Variants in BCOR observed in about 807,000 individuals in gnomAD.
BCOR encodes the protein BCL-6 corepressor.
Under a neutral mutation model 86.7 loss-of-function variants are expected in BCOR, and 10 were observed. The observed-to-expected ratio is 0.12, with a 90% confidence interval of 0.07 to 0.20. The LOEUF is 0.20. BCOR is among the 10% of genes least tolerant of loss of function. The pLI, the probability that BCOR is intolerant of heterozygous loss-of-function variation, is 1.00. For missense variants in BCOR, 1,259 were observed against 1,452.1 expected (o/e 0.87, Z 2.16); for synonymous variants, 611 against 609.0 (o/e 1.00, Z -0.05).
At chrX:40,080,971 A>G (rs1389697414) in intron 1 of BCOR, among the ~76,000 whole-genome samples, 1 of 43,012 alleles carries the variant, frequency 2.3e-5, no homozygotes, top group Non-Finnish European at 4.2e-5. Context: ...ACGCACGCAC[A>G]CGCGCACACA....
At chrX:40,145,295 C>G (rs990929458) in intron 1 of BCOR, among the ~76,000 whole-genome samples, 1 of 111,552 alleles carries the variant, frequency 9.0e-6, no homozygotes, top group East Asian at 2.9e-4. Flanking sequence ...ACCCGCGGCG[C>G]CCGGCCCGCC....
upstream of BCOR, among the ~76,000 whole-genome samples, chrX:40,101,453 C>T (rs765152534): frequency 8.8e-6 from 1 of 113,262 alleles, no homozygotes; most frequent in African/African-American, 3.2e-5. Flanking sequence ...AGAGGTGCTG[C>T]GGATGGAGCA....
At chrX:40,138,785 C>G (rs1387498846) in intron 1 of BCOR, among the ~76,000 whole-genome samples, 1 of 110,950 alleles carries the variant, frequency 9.0e-6, no homozygotes, top group African/African-American at 3.3e-5. Flanking sequence ...GAACTCCTTA[C>G]CTCAGGTGAT....
At chrX:40,171,385 G>A (rs1938615953) in intron 1 of BCOR, among the ~76,000 whole-genome samples, 1 of 112,157 alleles carries the variant, frequency 8.9e-6, no homozygotes, top group Non-Finnish European at 1.9e-5. Context: ...CAGACCCTCT[G>A]GCCGCGCCGG....
At chrX:40,087,328 T>C (rs1325769880) in intron 1 of BCOR, among the ~76,000 whole-genome samples, 3 of 113,400 alleles carry the variant, frequency 2.6e-5, no homozygotes, top group African/African-American at 9.6e-5. Flanking sequence ...ATCGTCATTA[T>C]TAGTGCAAAT....
chrX:40,133,491 G>T (rs1937625455), intron 1 of BCOR, among the ~76,000 whole-genome samples: 2 of 99,260 alleles, frequency 2.0e-5, no homozygotes, highest in Admixed American at 2.4e-4. Flanking sequence ...ACGGAGTCTC[G>T]CTCTGTCGCC....
intron 1 of BCOR, among the ~76,000 whole-genome samples, chrX:40,125,323 T>A (rs1937526166): frequency 9.0e-6 from 1 of 111,642 alleles, no homozygotes; most frequent in Non-Finnish European, 1.9e-5. Flanking sequence ...AACCTTTGTC[T>A]CCTGGATTCA....
At chrX:40,064,672 C>T (rs770281414) in intron 6 of BCOR, 73 bp from the exon 7 acceptor site, 20 of 1,113,548 alleles carry the variant, frequency 1.8e-5, no homozygotes, top group South Asian at 9.6e-5. Flanking sequence ...CTGGGGAGTG[C>T]GTGGGACCAC....
At chrX:40,104,016 A>G (rs915562816) in intron 1 of BCOR, among the ~76,000 whole-genome samples, 1 of 111,725 alleles carries the variant, frequency 9.0e-6, no homozygotes, top group African/African-American at 3.3e-5. Flanking sequence ...CCCACCCCCC[A>G]TTGGCGGGGC....
intron 1 of BCOR, among the ~76,000 whole-genome samples, chrX:40,175,344 C>A (rs1474921397): frequency 8.8e-6 from 1 of 113,357 alleles, no homozygotes; most frequent in Non-Finnish European, 1.9e-5. Flanking sequence ...CGGCCCGGGC[C>A]CGGCGGCCGC....
In BCOR at chrX:40,051,908, C is replaced by A; in HGVS notation, c.*201G>T. ...ATTGAAAAGTAAAGAAACATTATAA[C>A]AACTTCATAAAAACTGACTTAAAAG... On this transcript the variant is annotated 3_prime_UTR_variant, in exon 15 of 15. Transcript: ENST00000378444. 1 of 334,311 alleles carries A rather than the reference C, an allele frequency of 3.0e-6. No individual in the cohort carries two copies. Among genetic ancestry groups the A allele is most frequent in the Admixed American group, 5.5e-5 (1 of 18,325 alleles). 27.6% of individuals were successfully genotyped at this position (334,311 alleles called of 1,213,427 possible).
upstream of BCOR, among the ~76,000 whole-genome samples, chrX:40,101,623 T>C (rs139625326): frequency 0.024 from 2,737 of 112,425 alleles, 38 homozygotes; most frequent in Middle Eastern, 0.079. Flanking sequence ...TCAAGGCAGG[T>C]TGACTCTGCA....
At position 40,072,495 on chromosome X, in the gene BCOR, C is replaced by G. The variant is rs1935525202; in HGVS notation, c.2851G>C (p.Asp951His). ...KDGADEAESNDGKVLKPKPSK... is the reference protein window; with the variant it reads ...KDGADEAESNHGKVLKPKPSK... ...GGCTTCGGTTTCAGAACTTTGCCAT[C>G]ATTTGATTCAGCCTCATCAGCTCCA... Residue 951 changes from aspartate (D) to histidine (H), a missense_variant, in exon 4 of 15, where the codon GAT becomes CAT. Transcript: ENST00000378444. 1 of 1,212,006 alleles carries G rather than the reference C, an allele frequency of 8.3e-7. No homozygotes were observed. The highest frequency in any genetic ancestry group is 1.1e-6 in the Non-Finnish European group (1 of 895,575).
At chrX:40,131,223 T>G (rs1467493273) in intron 1 of BCOR, among the ~76,000 whole-genome samples, 1 of 111,824 alleles carries the variant, frequency 8.9e-6, no homozygotes, top group Non-Finnish European at 1.9e-5. Context: ...ATCAGGCACA[T>G]GGGTAAGGCT....
chrX:40,120,442 C>A (rs1937466923), intron 1 of BCOR, among the ~76,000 whole-genome samples: 1 of 111,992 alleles, frequency 8.9e-6, no homozygotes. Context: ...CTCCCCAAAC[C>A]GACCCTTCAC....
intron 1 of BCOR, among the ~76,000 whole-genome samples, chrX:40,149,164 C>A (rs969845101): frequency 2.1e-4 from 23 of 109,112 alleles, no homozygotes; most frequent in African/African-American, 7.0e-4. Flanking sequence ...CTCTGCTCCG[C>A]TCCGCTCAGC....
chrX:40,071,485 GAAAAC>G (rs1935477629), intron 5 of BCOR, 147 bp downstream of exon 5: 1 of 503,081 alleles, frequency 2.0e-6, no homozygotes, highest in Non-Finnish European at 3.4e-6. Context: ...ACAACGCAAA[GAAAAC>G]AAAACAAAAA....
intron 1 of BCOR, among the ~76,000 whole-genome samples, chrX:40,130,792 C>T (rs918548787): frequency 8.9e-6 from 1 of 112,082 alleles, no homozygotes; most frequent in East Asian, 2.8e-4. Context: ...ATGGCTCCTC[C>T]CTCTTGTGTC....
chrX:40,109,385 G>A (rs1224381014), intron 1 of BCOR, among the ~76,000 whole-genome samples: 2 of 111,665 alleles, frequency 1.8e-5, no homozygotes, highest in Non-Finnish European at 1.9e-5. Context: ...AGTCTTGCTT[G>A]CGAACAGGAA....
Sources: gnomAD v4.1 joint callset for allele counts (sites outside exome capture counted in the v4.1 genomes callset) on GRCh38, gnomAD v4.1.1 for gene constraint, MANE v1.5 for transcripts, NCBI Gene and HGNC (gene_info 2026-07-23, HGNC 2026-07-21) for gene names.